ERMP1: variants seen among roughly 807,000 people sequenced by gnomAD.
ERMP1 encodes endoplasmic reticulum metallopeptidase 1.
A neutral mutation model predicts 92.0 loss-of-function variants in ERMP1; 86 were observed. The observed-to-expected ratio is 0.93, with a 90% CI of 0.79 to 1.12. The LOEUF (loss-of-function observed/expected upper bound fraction) is 1.12. Ranked by LOEUF, ERMP1 falls within the 50% of genes most tolerant of loss-of-function variation. ERMP1 has a pLI of 0.00. For synonymous variants in ERMP1, 530 were observed against 412.8 expected, an observed-to-expected ratio of 1.28 and a Z score of -3.44; for missense variants, 1,342 against 1,116.3, an observed-to-expected ratio of 1.20 and a Z score of -2.88.
intron 5 of ERMP1, among the ~76,000 whole-genome samples, chr9:5,865,395 CT>C (rs1387409126): frequency 6.6e-6 from 1 of 152,056 alleles, no homozygotes. Context: ...GTAGTCCCAG[CT>C]ACTTGGGAGG....
At chr9:5,854,341 G>C (rs990229428) in intron 6 of ERMP1, among the ~76,000 whole-genome samples, 4 of 152,154 alleles carry the variant, frequency 2.6e-5, no homozygotes, top group Non-Finnish European at 4.4e-5. Flanking sequence ...CTTCTATTCA[G>C]TCTAGGCATA....
At position 5,785,235 on chromosome 9, in the gene ERMP1, A is replaced by G. The variant is rs1470349969; in HGVS notation, c.*1909T>C. ...AAAACAGTCATAATTTATTACTGAT[A>G]AAGAGTAAAGGCATCCTTCCCATAG... is the stretch of plus-strand genomic sequence containing the variant. On this transcript the variant is annotated 3_prime_UTR_variant, in exon 15 of 15. Coordinates refer to ENST00000339450, the MANE Select transcript of ERMP1 (RefSeq NM_024896.3). The G allele has an allele frequency of 1.3e-5, 2 of 152,236 alleles. No individual in the cohort carries two copies. Among genetic ancestry groups the G allele is most frequent in the Admixed American group, 6.5e-5 (1 of 15,286 alleles). 9.4% of individuals were successfully genotyped at this position (152,236 alleles called of 1,614,324 possible). A position where few individuals can be genotyped will look rare whatever the true frequency, so the allele number is the denominator to read the frequency against.
rs201496581 is a variant in ERMP1 at position 5,811,246 on chromosome 9, T to G, written c.1192A>C (p.Asn398His). ...CCCAGCACATCAAAGAAGACCATGT[T>G]TCCATGTCGATACTTAGAAGCAGCA... is the stretch of plus-strand genomic sequence containing the variant. The part of the protein sequence containing the change: ...LAAASKYRHG[N>H]MVFFDVLGLF... The change falls in exon 7 of 15, where the codon AAC becomes CAC. Residue 398 changes from asparagine to histidine, a missense_variant. By Grantham distance (68) the Asn-to-His change is moderately conservative. Transcript: ENST00000339450. 3 of 1,613,916 alleles carry G rather than the reference T, an allele frequency of 1.9e-6. No homozygotes were observed. Among genetic ancestry groups the G allele is most frequent in the Non-Finnish European group, 2.5e-6 (3 of 1,179,946 alleles).
intron 6 of ERMP1, among the ~76,000 whole-genome samples, chr9:5,844,138 T>C (rs186814196): frequency 7.0e-4 from 107 of 152,292 alleles, no homozygotes; most frequent in Middle Eastern, 6.8e-3. Flanking sequence ...TTAGACACCC[T>C]GTCCTGGAAA....
chr9:5,851,099 C>A (rs1396453283), intron 6 of ERMP1, among the ~76,000 whole-genome samples: 1 of 152,170 alleles, frequency 6.6e-6, no homozygotes, highest in Non-Finnish European at 1.5e-5. Flanking sequence ...CCCTTTTAGG[C>A]CCAACATCTC....
intron 3 of ERMP1, 138 bp downstream of exon 3, chr9:5,824,954 A>T (rs2275777): frequency 1.3e-6 from 1 of 768,420 alleles, no homozygotes; most frequent in African/African-American, 1.8e-5. Flanking sequence ...ACTGCTCATA[A>T]AGTATTTTTC....
At chr9:5,861,725 T>TTG (rs1379588286) in intron 5 of ERMP1, among the ~76,000 whole-genome samples, 6 of 143,404 alleles carry the variant, frequency 4.2e-5, no homozygotes, top group Admixed American at 1.4e-4. Context: ...GGGTTTTTTT[T>TTG]TTTTTTTTTT....
intron 13 of ERMP1, among the ~76,000 whole-genome samples, chr9:5,790,423 C>A (rs1474272695): frequency 6.6e-6 from 1 of 152,100 alleles, no homozygotes; most frequent in African/African-American, 2.4e-5. Flanking sequence ...ACTGTGACAA[C>A]TGAGGCCAAA....
chr9:5,832,564 G>T, intron 1 of ERMP1, 126 bp downstream of exon 1: 1 of 728,100 alleles, frequency 1.4e-6, no homozygotes, highest in Non-Finnish European at 2.0e-6. Flanking sequence ...CCCACGTGCA[G>T]CCTGGGAGGG....
Position 5,830,850 on chromosome 9 carries a change from A to C in ERMP1, c.517T>G (p.Leu173Val). 6.2e-7 allele frequency: 1 copy of C among 1,614,176 alleles called. No homozygotes were observed. Among genetic ancestry groups the C allele is most frequent in the Non-Finnish European group, 8.5e-7 (1 of 1,180,004 alleles). Residue 173 changes from leucine (L) to valine (V), a missense_variant, in exon 2 of 15, where the codon TTG (leucine) becomes GTG (valine). Transcript: ENST00000339450. The part of the protein sequence containing the change: ...RPTGSFSIDF[L>V]GGFTSYYDNI... ...TCATAATAGCTTGTAAAACCTCCCAAGAAATCAATGCTAAAAGAGCCTGTG... is the reference window on the plus strand; with the variant it reads ...TCATAATAGCTTGTAAAACCTCCCACGAAATCAATGCTAAAAGAGCCTGTG...
Position 5,807,950 on chromosome 9 carries a change from T to TCA in ERMP1, c.1548+2059_1548+2060dup, listed in dbSNP as rs562062655. Among the ~76,000 whole-genome samples, 581 of 152,212 alleles carry TCA rather than the reference T, an allele frequency of 3.8e-3. 1 individual carries two copies. Among genetic ancestry groups the TCA allele is most frequent in the African/African-American group, 0.013 (555 of 41,526 alleles). ...ACTGAGAGCTCCTCAAAGAAAGAGA[T>TCA]CACATTCTTATGGCTCTCTTATGGC... On this transcript the variant is annotated intron_variant, in intron 8 of 14. Coordinates refer to ENST00000339450, the MANE Select transcript of ERMP1 (RefSeq NM_024896.3).
At chr9:5,810,346 A>T in intron 7 of ERMP1, 115 bp from the exon 8 acceptor site, 1 of 672,502 alleles carries the variant, frequency 1.5e-6, no homozygotes, top group South Asian at 1.9e-5. Flanking sequence ...ACTGTACTTG[A>T]AAAGTATGAA....
intron 13 of ERMP1, chr9:5,791,167 T>C: frequency 2.2e-6 from 1 of 454,946 alleles, no homozygotes; most frequent in Non-Finnish European, 4.4e-6. Context: ...CAACAGGATG[T>C]GTACAGAGAG....
intron 13 of ERMP1, among the ~76,000 whole-genome samples, chr9:5,789,243 G>C (rs1357939798): frequency 3.4e-5 from 5 of 145,266 alleles, no homozygotes; most frequent in Admixed American, 3.4e-4. Flanking sequence ...AGATTTCAAA[G>C]AAAAAAAAAA....
At chr9:5,787,722 T>G (rs1042932735) in intron 13 of ERMP1, 129 bp from the exon 14 acceptor site, 1 of 873,854 alleles carries the variant, frequency 1.1e-6, no homozygotes, top group South Asian at 1.9e-5. Flanking sequence ...ATAAACCTAA[T>G]GGAGGTTTAC....
intron 2 of ERMP1, among the ~76,000 whole-genome samples, chr9:5,826,864 A>T (rs1829748118): frequency 6.6e-6 from 1 of 152,218 alleles, no homozygotes; most frequent in Non-Finnish European, 1.5e-5. Flanking sequence ...GTTGATTAAA[A>T]AGTTAAACTG....
At chr9:5,809,359 T>G (rs1000226338) in intron 8 of ERMP1, among the ~76,000 whole-genome samples, 1 of 152,224 alleles carries the variant, frequency 6.6e-6, no homozygotes, top group Non-Finnish European at 1.5e-5. Flanking sequence ...AACAAATTTA[T>G]GCATTTGAAA....
intron 5 of ERMP1, among the ~76,000 whole-genome samples, chr9:5,866,100 T>C (rs1208176591): frequency 6.6e-6 from 1 of 152,170 alleles, no homozygotes. Context: ...AGAATATAAA[T>C]GAATAAAAGC....
At chr9:5,821,584 C>T (rs1189409072) in intron 4 of ERMP1, among the ~76,000 whole-genome samples, 2 of 152,094 alleles carry the variant, frequency 1.3e-5, no homozygotes, top group Non-Finnish European at 2.9e-5. Context: ...AGTGTTTTAA[C>T]CTCTCCGGAC....
Sources: allele counts gnomAD v4.1 joint callset (sites outside exome capture counted in the v4.1 genomes callset), GRCh38; gene constraint gnomAD v4.1.1; transcripts MANE v1.5; gene names NCBI Gene and HGNC (gene_info 2026-07-23, HGNC 2026-07-21).